NPIPB2: variants seen among roughly 807,000 people sequenced by gnomAD.
NPIPB2 encodes nuclear pore complex-interacting protein family member B2.
In NPIPB2, 27 loss-of-function variants were observed where a neutral mutation model predicts 30.8. That is an observed-to-expected ratio of 0.88 (90% CI 0.65 to 1.21). The LOEUF (loss-of-function observed/expected upper bound fraction) is 1.21, where lower values mean the gene tolerates loss of function less well. Ranked by LOEUF, NPIPB2 falls within the 50% of genes most tolerant of loss-of-function variation. NPIPB2 has a pLI of 0.00. For synonymous variants in NPIPB2, 147 were observed against 162.0 expected, an observed-to-expected ratio of 0.91 and a Z score of 0.70; for missense variants, 440 against 446.2, an observed-to-expected ratio of 0.99 and a Z score of 0.13.
intron 1 of NPIPB2, among the ~76,000 whole-genome samples, chr16:11,949,591 T>C (rs971515520): frequency 2.6e-5 from 4 of 152,214 alleles, no homozygotes; most frequent in African/African-American, 9.6e-5. Flanking sequence ...ACAGCAGCCC[T>C]GAGAATGCAG....
At chr16:11,934,663 A>G (rs1039279999) in intron 2 of NPIPB2, among the ~76,000 whole-genome samples, 1 of 151,866 alleles carries the variant, frequency 6.6e-6, no homozygotes, top group East Asian at 1.9e-4. Flanking sequence ...GATGGACACC[A>G]TCTTGGGCAA....
At chr16:11,927,641 G>A (rs1451004918) in exon 8 of NPIPB2, 2 of 1,598,932 alleles carry the variant, frequency 1.3e-6, no homozygotes, top group Admixed American at 3.4e-5. Flanking sequence ...AGCTGAGGGT[G>A]GAAGGGGAGT....
intron 2 of NPIPB2, among the ~76,000 whole-genome samples, chr16:11,935,578 T>C (rs1432330522): frequency 6.6e-6 from 1 of 152,152 alleles, no homozygotes; most frequent in Admixed American, 6.6e-5. Flanking sequence ...CCTCCCAAAG[T>C]GCTGGGATTA....
In NPIPB2 at chr16:11,930,442, G is replaced by A. The variant is rs951088129; in HGVS notation, c.590+8C>T. The A allele has an allele frequency of 1.3e-6, 2 of 1,549,834 alleles. No individual in the cohort carries two copies. Among genetic ancestry groups the A allele is most frequent in the African/African-American group, 2.8e-5 (2 of 72,130 alleles). On this transcript the variant is annotated splice_region_variant and intron_variant, in intron 5 of 7. Transcript: ENST00000399147. ...CCCAAGAGGGTGGGGTTCAGTTTCT[G>A]AACTCACATGTAGGTGTGTATTTCT...
intron 1 of NPIPB2, among the ~76,000 whole-genome samples, chr16:11,949,300 G>C (rs1018421321): frequency 2.6e-5 from 4 of 152,168 alleles, no homozygotes; most frequent in African/African-American, 9.6e-5. Context: ...CAGCAACCTT[G>C]CAAAATAGGT....
chr16:11,955,979 AG>A (rs1479497766), intron 1 of NPIPB2, among the ~76,000 whole-genome samples: 1 of 151,972 alleles, frequency 6.6e-6, no homozygotes, highest in Admixed American at 6.6e-5. Context: ...GAGTTCCCGA[AG>A]ACCCAAATGT....
intron 1 of NPIPB2, among the ~76,000 whole-genome samples, chr16:11,938,546 G>T (rs992498345): frequency 1.3e-5 from 2 of 149,516 alleles, no homozygotes; most frequent in Admixed American, 1.3e-4. Context: ...GGCCAGGGTG[G>T]TCTCAAACTC....
At chr16:11,927,948 C>T in intron 7 of NPIPB2, 69 bp from the exon 8 acceptor site, 1 of 722,418 alleles carries the variant, frequency 1.4e-6, no homozygotes, top group Non-Finnish European at 2.1e-6. Flanking sequence ...GCCACCAACA[C>T]AGTCTGCACC....
chr16:11,955,173 GTGAAAC>G (rs1488921829), intron 1 of NPIPB2, among the ~76,000 whole-genome samples: 1 of 151,942 alleles, frequency 6.6e-6, no homozygotes, highest in Non-Finnish European at 1.5e-5. Context: ...GGCCAACGTG[GTGAAAC>G]CCCATCTCTA....
intron 1 of NPIPB2, chr16:11,941,383 A>C: frequency 2.8e-5 from 3 of 107,660 alleles, no homozygotes; most frequent in Admixed American, 1.6e-4. Flanking sequence ...GGGGAGAGGA[A>C]GGGGGGAAGT....
At chr16:11,945,699 A>G (rs576447124), upstream of NPIPB2, among the ~76,000 whole-genome samples, 1 of 152,000 alleles carries the variant, frequency 6.6e-6, no homozygotes, top group Admixed American at 6.6e-5. Flanking sequence ...AAAAACAAAA[A>G]CAAAATGCTG....
intron 1 of NPIPB2, among the ~76,000 whole-genome samples, chr16:11,969,803 CCCTTATAT>C: frequency 6.6e-6 from 1 of 152,246 alleles, no homozygotes; most frequent in East Asian, 1.9e-4. Flanking sequence ...TCATATCTAA[CCCTTATAT>C]AGTCTTACTA....
At chr16:11,947,350 T>A (rs2055022156) in intron 1 of NPIPB2, among the ~76,000 whole-genome samples, 1 of 148,410 alleles carries the variant, frequency 6.7e-6, no homozygotes, top group Admixed American at 6.8e-5. Context: ...ATTTATTTAT[T>A]ATTTATTTTT....
At chr16:11,968,762 C>G (rs1032181435) in intron 1 of NPIPB2, 10 of 151,922 alleles carry the variant, frequency 6.6e-5, no homozygotes, top group Non-Finnish European at 1.2e-4. Context: ...ATGCTCATCA[C>G]CTTGAACATG....
At chr16:11,954,737 C>A (rs536106087) in intron 1 of NPIPB2, among the ~76,000 whole-genome samples, 1 of 151,852 alleles carries the variant, frequency 6.6e-6, no homozygotes, top group Non-Finnish European at 1.5e-5. Context: ...GAAACCCTAT[C>A]TCTACTAAAA....
intron 1 of NPIPB2, among the ~76,000 whole-genome samples, chr16:11,953,188 C>T (rs1410386264): frequency 6.6e-6 from 1 of 152,140 alleles, no homozygotes; most frequent in Admixed American, 6.6e-5. Context: ...CTTTGTTGCT[C>T]AGCCTGGAGT....
intron 2 of NPIPB2, among the ~76,000 whole-genome samples, chr16:11,934,278 G>T (rs1402658103): frequency 1.4e-5 from 2 of 147,280 alleles, no homozygotes; most frequent in East Asian, 3.9e-4. Context: ...CATGAGGCTG[G>T]CACGGTGGCT....
At chr16:11,959,401 G>A (rs371513596) in intron 1 of NPIPB2, among the ~76,000 whole-genome samples, 1 of 152,066 alleles carries the variant, frequency 6.6e-6, no homozygotes, top group Non-Finnish European at 1.5e-5. Context: ...GGGCAGCAGA[G>A]CAAGACCCTG....
intron 2 of NPIPB2, among the ~76,000 whole-genome samples, chr16:11,934,179 G>A (rs1347213654): frequency 3.4e-5 from 5 of 148,910 alleles, no homozygotes; most frequent in African/African-American, 1.2e-4. Flanking sequence ...GCAGTGAGCC[G>A]AGATCACACC....
Sources: gnomAD v4.1 joint callset for allele counts (sites outside exome capture counted in the v4.1 genomes callset) on GRCh38, gnomAD v4.1.1 for gene constraint, MANE v1.5 for transcripts, NCBI Gene and HGNC (gene_info 2026-07-23, HGNC 2026-07-21) for gene names.